The following DNAH5 variants were observed in gnomAD, a reference collection of about 807,000 sequenced individuals.
DNAH5 encodes the protein dynein axonemal heavy chain 5, also known as axonemal beta dynein heavy chain 5.
Under a neutral mutation model 518.2 loss-of-function variants are expected in DNAH5, and 372 were observed. The observed-to-expected ratio is 0.72, with a 90% CI of 0.66 to 0.78. The LOEUF is 0.78. Among genes scored for constraint, DNAH5 ranks in the 30% least tolerant of loss-of-function variants. The pLI is 0.00. For synonymous variants in DNAH5, 2,039 were observed against 2,025.9 expected (o/e 1.01, Z -0.17); for missense variants, 5,523 against 5,687.0 (o/e 0.97, Z 0.93).
At chr5:13,884,005 G>C (rs1772029929) in intron 19 of DNAH5, among the ~76,000 whole-genome samples, 1 of 151,756 alleles carries the variant, frequency 6.6e-6, no homozygotes, top group African/African-American at 2.4e-5. Context: ...ACTATTATTT[G>C]TTTTCTTTTT....
intron 1 of DNAH5, among the ~76,000 whole-genome samples, chr5:13,950,568 A>G (rs1972954): frequency 0.96 from 146,268 of 152,292 alleles, 70,313 homozygotes; most frequent in East Asian, 0.99. Context: ...GAGCCACCAC[A>G]CCCAGCCGTA....
chr5:14,007,256 G>A (rs1176856759), intron 1 of DNAH5, among the ~76,000 whole-genome samples: 2 of 152,198 alleles, frequency 1.3e-5, no homozygotes, highest in Non-Finnish European at 2.9e-5. Flanking sequence ...GGACATCACT[G>A]CATCACAAGC....
chr5:13,753,271 T>C lies in DNAH5; in HGVS notation c.10834A>G (p.Ile3612Val). 4.3e-6 allele frequency: 7 copies of C among 1,613,996 alleles called. No individual in the cohort carries two copies. Among genetic ancestry groups the C allele is most frequent in the Non-Finnish European group, 5.1e-6 (6 of 1,179,906 alleles). ...LLIDPQTQGK[I>V]WIKNKESRNE... ...CGGCTTTCTTTATTTTTAATCCAGA[T>C]CTTGCCTTGAGTCTGTGGATCAATT... Residue 3612 changes from isoleucine (I) to valine (V), a missense_variant, in exon 63 of 79, where the codon ATC becomes GTC. Physicochemically the swap from Ile to Val is conservative, Grantham distance 29. Transcript: ENST00000265104.
intron 78 of DNAH5, among the ~76,000 whole-genome samples, chr5:13,699,995 G>C (rs1042176421): frequency 6.6e-6 from 1 of 152,190 alleles, no homozygotes; most frequent in Non-Finnish European, 1.5e-5. Context: ...GACTTGTCAA[G>C]TACAGCTTTG....
At chr5:13,881,008 T>A (rs76043584) in intron 21 of DNAH5, among the ~76,000 whole-genome samples, 3,460 of 151,582 alleles carry the variant, frequency 0.023, 149 homozygotes, top group African/African-American at 0.079. Context: ...TTCATATAAA[T>A]GAAAAAACAA....
intron 1 of DNAH5, among the ~76,000 whole-genome samples, chr5:13,966,404 T>C (rs1190107876): frequency 6.6e-6 from 1 of 152,230 alleles, no homozygotes; most frequent in African/African-American, 2.4e-5. Flanking sequence ...GATCAAATGG[T>C]AGTTCTACTT....
At chr5:13,879,879 G>GGAAACT (rs111243772) in intron 21 of DNAH5, among the ~76,000 whole-genome samples, 69,934 of 151,248 alleles carry the variant, frequency 0.46, 16,288 homozygotes, top group East Asian at 0.72. Context: ...GAAAGACAGA[G>GGAAACT]GAAACATACT....
At chr5:13,963,515 G>T (rs1052551540) in intron 1 of DNAH5, among the ~76,000 whole-genome samples, 1 of 151,932 alleles carries the variant, frequency 6.6e-6, no homozygotes, top group African/African-American at 2.4e-5. Flanking sequence ...GGAGGCAGAG[G>T]TTGCAGTGAG....
intron 1 of DNAH5, among the ~76,000 whole-genome samples, chr5:13,938,880 A>G (rs867304847): frequency 1.3e-5 from 2 of 152,126 alleles, no homozygotes; most frequent in Admixed American, 6.5e-5. Context: ...ATCTTCCCCA[A>G]CTGTGGATGA....
At chr5:13,809,345 G>C (rs1407478669) in intron 45 of DNAH5, among the ~76,000 whole-genome samples, 159 bp from the exon 46 acceptor site, 1 of 152,144 alleles carries the variant, frequency 6.6e-6, no homozygotes, top group Non-Finnish European at 1.5e-5. Flanking sequence ...GTATGTGTTA[G>C]CTGAGTCAAA....
chr5:13,911,437 C>T lies in DNAH5; in HGVS notation c.1593G>A (p.Met531Ile), dbSNP rs1216204013. 7 of 1,614,022 alleles carry T rather than the reference C, an allele frequency of 4.3e-6. No individual in the cohort carries two copies. The Admixed American group carries it at 1.2e-4, about 27-fold the overall frequency. Residue 531 changes from methionine (M) to isoleucine (I), a missense_variant, in exon 12 of 79, where the codon ATG becomes ATA. Physicochemically the swap from Met to Ile is conservative, Grantham distance 10. Transcript: ENST00000265104. ...KEYNFLDQRK[M>I]DFDQDYEEFC... ...ACTCTTCGTAATCTTGGTCAAAATC[C>T]ATTTTCCGCTGGTCTAGGAAATTGT...
chr5:13,695,869 T>TGCACAC (rs2126366740), intron 78 of DNAH5, among the ~76,000 whole-genome samples: 1 of 152,128 alleles, frequency 6.6e-6, no homozygotes, highest in African/African-American at 2.4e-5. Context: ...TACACACACA[T>TGCACAC]GCACACGCAC....
intron 61 of DNAH5, among the ~76,000 whole-genome samples, 194 bp downstream of exon 61, chr5:13,758,652 C>G (rs1751343073): frequency 6.6e-6 from 1 of 152,194 alleles, no homozygotes. Context: ...CAAAGAAACT[C>G]AGAATGGCTA....
chr5:13,919,238 T>C lies in DNAH5; in HGVS notation c.913A>G (p.Lys305Glu). Residue 305 changes from lysine to glutamate, a missense_variant, in exon 7 of 79, where the codon AAA becomes GAA. By Grantham distance (56) the Lys-to-Glu change is moderately conservative. Transcript: ENST00000265104. ...SKFNYLLEQL[K>E]SPDVKAVLAV... Reference sequence around the variant, plus strand: ...AGCACAGCCTTCACATCCGGGCTTTTCAATTGTTCCAAAAGGTAGTTAAAC... The same window carrying C: ...AGCACAGCCTTCACATCCGGGCTTTCCAATTGTTCCAAAAGGTAGTTAAAC... 1.2e-6 allele frequency: 2 copies of C among 1,614,148 alleles called. No individual in the cohort carries two copies. Among genetic ancestry groups the C allele is most frequent in the Non-Finnish European group, 1.7e-6 (2 of 1,179,996 alleles).
At position 13,737,476 on chromosome 5, in the gene DNAH5, GTTCT is replaced by G; in HGVS notation, c.11227_11230del (p.Arg3743LeufsTer3). The G allele has an allele frequency of 6.2e-7, 1 of 1,613,876 alleles. No homozygotes were observed. The highest frequency in any genetic ancestry group is 1.1e-5 in the South Asian group (1 of 91,078). ...TGCAGTTACATCTTCCATCAGATGA[GTTCT>G]TTCTTTCTCCAATTCCTATTAATTT... On this transcript the variant is annotated frameshift_variant, in exon 66 of 79. Transcript: ENST00000265104. LOFTEE classifies it high-confidence loss of function.
chr5:13,993,185 T>C (rs1246336125), intron 1 of DNAH5, among the ~76,000 whole-genome samples: 2 of 152,216 alleles, frequency 1.3e-5, no homozygotes, highest in African/African-American at 4.8e-5. Flanking sequence ...GAATGCAGAA[T>C]TCTAACATAG....
At chr5:13,900,449 T>C in intron 14 of DNAH5, 37 bp from the exon 15 acceptor site, 1 of 1,540,566 alleles carries the variant, frequency 6.5e-7, no homozygotes, top group South Asian at 1.1e-5. Flanking sequence ...TATCAGAAAG[T>C]TCAATTCATG....
chr5:13,973,738 C>A lies in DNAH5; in HGVS notation c.12+37910G>T, dbSNP rs73750051. On this transcript the variant is annotated intron_variant, in intron 1 of 78. Coordinates refer to the DNAH5 transcript ENST00000681290. ...ACTTATGTTAAAAAAAAAAAAAAAACAAAAAACTTGGCAAATAGAACCAAA... is the reference window on the plus strand; with the variant it reads ...ACTTATGTTAAAAAAAAAAAAAAAAAAAAAAACTTGGCAAATAGAACCAAA... 3.4e-3 allele frequency among the ~76,000 whole-genome samples: 364 copies of A among 106,564 alleles called. 3 individuals carry two copies. Among genetic ancestry groups the A allele is most frequent in the East Asian group, 0.019 (62 of 3,350 alleles). The allele number at this position is 106,564 out of a possible 152,430, so 69.9% of individuals were successfully genotyped here.
At chr5:13,797,441 G>A (rs539968906) in intron 47 of DNAH5, among the ~76,000 whole-genome samples, 4 of 151,944 alleles carry the variant, frequency 2.6e-5, no homozygotes, top group African/African-American at 9.7e-5. Context: ...CAGCCAACAG[G>A]TACATGAAAA....
Sources: gnomAD v4.1 joint callset for allele counts (sites outside exome capture counted in the v4.1 genomes callset) on GRCh38, gnomAD v4.1.1 for gene constraint, MANE v1.5 for transcripts, NCBI Gene and HGNC (gene_info 2026-07-23, HGNC 2026-07-21) for gene names.